Variants in RAB3B observed in about 807,000 individuals in gnomAD.
RAB3B encodes the protein RAB3B, member RAS oncogene family.
RAB3B carries 11 observed loss-of-function variants against 20.5 expected under a neutral mutation model. The ratio of observed to expected loss-of-function variants is 0.54; its 90% confidence interval spans 0.34 to 0.89. RAB3B has a LOEUF of 0.89. Ranked by LOEUF, RAB3B falls within the 40% of genes least tolerant of loss-of-function variation. RAB3B has a pLI of 0.02. For synonymous variants in RAB3B, 99 were observed against 106.3 expected, an observed-to-expected ratio of 0.93 and a Z score of 0.42; for missense variants, 225 against 280.9, an observed-to-expected ratio of 0.80 and a Z score of 1.42.
rs1683999488 is a variant in RAB3B at position 51,911,582 on chromosome 1, A to C, written c.*8345T>G. The C allele has an allele frequency of 6.6e-6, 1 of 152,160 alleles. No individual in the cohort carries two copies. Among genetic ancestry groups the C allele is most frequent in the Non-Finnish European group, 1.5e-5 (1 of 68,030 alleles). 9.4% of individuals were successfully genotyped at this position (152,160 alleles called of 1,614,324 possible). A position where few individuals can be genotyped will look rare whatever the true frequency, so the allele number is the denominator to read the frequency against. Reference sequence around the variant, plus strand: ...TTGAGCTTTCTATCAGAATCAAAGGAAGAGGTGATCAGCCAAGCCTCCAAA... The same window carrying C: ...TTGAGCTTTCTATCAGAATCAAAGGCAGAGGTGATCAGCCAAGCCTCCAAA... On this transcript the variant is annotated 3_prime_UTR_variant, in exon 5 of 5. Coordinates refer to ENST00000371655, the MANE Select transcript of RAB3B (RefSeq NM_002867.4).
rs1683999716 is a variant in RAB3B, at chr1:51,911,608, C to T, written c.*8319G>A. The T allele has an allele frequency of 6.6e-6, 1 of 152,144 alleles. No homozygotes were observed. The highest frequency in any genetic ancestry group is 1.5e-5 in the Non-Finnish European group (1 of 68,032). The allele number at this position is 152,144 out of a possible 1,614,324, so 9.4% of individuals were successfully genotyped here. ...AGAGGTGATCAGCCAAGCCTCCAAA[C>T]CAGAATCAGGGTCTAGAAAACCAGA... On this transcript the variant is annotated 3_prime_UTR_variant, in exon 5 of 5. Coordinates refer to ENST00000371655, the MANE Select transcript of RAB3B (RefSeq NM_002867.4).
chr1:51,970,104 A>G (rs937885171), intron 2 of RAB3B, among the ~76,000 whole-genome samples: 3 of 151,846 alleles, frequency 2.0e-5, no homozygotes, highest in Non-Finnish European at 4.4e-5. Flanking sequence ...AAAACAAACA[A>G]ACAAACAAAC....
Position 51,969,844 on chromosome 1 carries a change from G to A in RAB3B, c.228+7046C>T, listed in dbSNP as rs571411016. Among the ~76,000 whole-genome samples, 7 of 152,196 alleles carry A rather than the reference G, an allele frequency of 4.6e-5. No homozygotes were observed. The East Asian group carries it at 1.4e-3, about 29-fold the overall frequency. The stretch of plus-strand genomic sequence containing the variant: ...GAGCTTTTAAATCATCACCAACACA[G>A]CAATAGATCCAACTAGAGGCCACTT... On this transcript the variant is annotated intron_variant, in intron 2 of 4. Coordinates refer to ENST00000371655, the MANE Select transcript of RAB3B (RefSeq NM_002867.4).
intron 1 of RAB3B, among the ~76,000 whole-genome samples, chr1:51,986,146 ATTTTTT>A (rs11308826): frequency 2.2e-5 from 2 of 89,316 alleles, no homozygotes; most frequent in African/African-American, 4.1e-5. Flanking sequence ...ATTTCTACGA[ATTTTTT>A]TTTTTTTTTT....
At chr1:51,934,700 C>T (rs34106511) in intron 3 of RAB3B, among the ~76,000 whole-genome samples, 7,028 of 140,906 alleles carry the variant, frequency 0.05, 191 homozygotes, top group Middle Eastern at 0.084. Context: ...GGCGTGAACC[C>T]GGGAGGTGGA....
intron 2 of RAB3B, among the ~76,000 whole-genome samples, chr1:51,965,602 G>A (rs1372434897): frequency 6.7e-6 from 1 of 150,066 alleles, no homozygotes; most frequent in African/African-American, 2.5e-5. Context: ...AGCCGAGAAT[G>A]TACCACTGCA....
At chr1:51,944,893 G>A (rs1033878680) in intron 2 of RAB3B, among the ~76,000 whole-genome samples, 3 of 152,126 alleles carry the variant, frequency 2.0e-5, no homozygotes, top group African/African-American at 7.2e-5. Flanking sequence ...AGGTTTGAGA[G>A]GACTGACTCA....
chr1:51,916,717 C>T lies in RAB3B; in HGVS notation c.*3210G>A, dbSNP rs1684091135. 1 of 152,246 alleles carries T rather than the reference C, an allele frequency of 6.6e-6. No individual in the cohort carries two copies. Among genetic ancestry groups the T allele is most frequent in the South Asian group, 2.1e-4 (1 of 4,832 alleles). The allele number at this position is 152,246 out of a possible 1,614,324, so 9.4% of individuals were successfully genotyped here. A position where few individuals can be genotyped will look rare whatever the true frequency, so the allele number is the denominator to read the frequency against. ...GAGGCAGATACAGGGAAAGCCAGCACTTGGGACTGGGAAGCACTGGGCATT... is the reference window on the plus strand; with the variant it reads ...GAGGCAGATACAGGGAAAGCCAGCATTTGGGACTGGGAAGCACTGGGCATT... On this transcript the variant is annotated 3_prime_UTR_variant, in exon 5 of 5. Coordinates refer to ENST00000371655, the MANE Select transcript of RAB3B (RefSeq NM_002867.4).
intron 1 of RAB3B, among the ~76,000 whole-genome samples, chr1:51,979,762 G>A (rs1054678606): frequency 2.6e-5 from 4 of 151,892 alleles, no homozygotes; most frequent in South Asian, 2.1e-4. Context: ...ATTAACTGAC[G>A]GCTGGGCACG....
At chr1:51,952,383 C>T (rs910555206) in intron 2 of RAB3B, among the ~76,000 whole-genome samples, 42 of 152,178 alleles carry the variant, frequency 2.8e-4, no homozygotes, top group Admixed American at 2.7e-3. Flanking sequence ...ATGATTTCCA[C>T]CAAGATAAAG....
rs1190192183 is a variant in RAB3B at position 51,914,973 on chromosome 1, T to C, written c.*4954A>G. ...TTATAAGGCTTCGGTCACCAAGCAATTGTGGCTATTTAATTAACTGAGGTT... is the reference window on the plus strand; with the variant it reads ...TTATAAGGCTTCGGTCACCAAGCAACTGTGGCTATTTAATTAACTGAGGTT... On this transcript the variant is annotated 3_prime_UTR_variant, in exon 5 of 5. Coordinates refer to ENST00000371655, the MANE Select transcript of RAB3B (RefSeq NM_002867.4). 1.3e-5 allele frequency: 2 copies of C among 152,226 alleles called. No individual in the cohort carries two copies. The highest frequency in any genetic ancestry group is 4.8e-5 in the African/African-American group (2 of 41,450). The allele number at this position is 152,226 out of a possible 1,614,324, so 9.4% of individuals were successfully genotyped here. A position where few individuals can be genotyped will look rare whatever the true frequency, so the allele number is the denominator to read the frequency against.
intron 4 of RAB3B, among the ~76,000 whole-genome samples, chr1:51,922,366 G>A (rs1214186945): frequency 6.6e-6 from 1 of 152,126 alleles, no homozygotes; most frequent in Non-Finnish European, 1.5e-5. Flanking sequence ...TGGCACTGAG[G>A]GGAGGACATG....
chr1:51,937,441 C>G, intron 2 of RAB3B, 29 bp from the exon 3 acceptor site: 2 of 1,468,914 alleles, frequency 1.4e-6, no homozygotes, highest in Non-Finnish European at 1.8e-6. Flanking sequence ...GAAACAATCT[C>G]TTAGAAAGTC....
At chr1:51,933,920 GGACA>G (rs1458289966) in intron 3 of RAB3B, among the ~76,000 whole-genome samples, 1 of 152,266 alleles carries the variant, frequency 6.6e-6, no homozygotes, top group East Asian at 1.9e-4. Flanking sequence ...ATTCAGCTGA[GGACA>G]GACAGATACC....
intron 3 of RAB3B, 66 bp downstream of exon 3, chr1:51,937,228 G>C: frequency 1.6e-6 from 2 of 1,255,686 alleles, no homozygotes; most frequent in Non-Finnish European, 2.3e-6. Context: ...CACAATACAG[G>C]ACCTAGCACA....
chr1:51,924,913 A>C (rs1261687619), intron 4 of RAB3B, among the ~76,000 whole-genome samples: 1 of 152,164 alleles, frequency 6.6e-6, no homozygotes, highest in Non-Finnish European at 1.5e-5. Context: ...ACTAGCCCCC[A>C]GTCCTTTTCT....
intron 2 of RAB3B, among the ~76,000 whole-genome samples, chr1:51,960,337 T>C (rs780325429): frequency 4.3e-4 from 65 of 152,052 alleles, no homozygotes; most frequent in Non-Finnish European, 6.2e-4. Context: ...GGGGCAGTAG[T>C]GGGGCACTCA....
At chr1:51,933,653 T>C (rs1343561638) in intron 3 of RAB3B, among the ~76,000 whole-genome samples, 1 of 152,170 alleles carries the variant, frequency 6.6e-6, no homozygotes, top group African/African-American at 2.4e-5. Context: ...CTTTCTCTCT[T>C]GGCCATGGGA....
At chr1:51,943,644 T>C (rs114759042) in intron 2 of RAB3B, among the ~76,000 whole-genome samples, 1 of 152,200 alleles carries the variant, frequency 6.6e-6, no homozygotes, top group Non-Finnish European at 1.5e-5. Flanking sequence ...ACATAAGTGA[T>C]AAGAAAGCAA....
Sources: gnomAD v4.1 joint callset for allele counts (sites outside exome capture counted in the v4.1 genomes callset) on GRCh38, gnomAD v4.1.1 for gene constraint, MANE v1.5 for transcripts, NCBI Gene and HGNC (gene_info 2026-07-23, HGNC 2026-07-21) for gene names.